APBA2: variants seen among roughly 807,000 people sequenced by gnomAD.
The protein encoded by APBA2 is amyloid-beta A4 precursor protein-binding family A member 2.
Under a neutral mutation model 75.0 loss-of-function variants are expected in APBA2, and 30 were observed. The observed-to-expected ratio is 0.40, with a 90% confidence interval of 0.30 to 0.54. The LOEUF is 0.54. Ranked by LOEUF, APBA2 falls within the 20% of genes least tolerant of loss-of-function variation. The probability of loss-of-function intolerance (pLI) is 0.49; values close to 1 mark genes in which losing one functional copy is unlikely to be tolerated. For missense variants in APBA2, 801 were observed against 1,016.1 expected (o/e 0.79, Z 2.88); for synonymous variants, 444 against 409.6 (o/e 1.08, Z -1.01).
intron 14 of APBA2, among the ~76,000 whole-genome samples, chr15:29,115,317 G>C (rs1017289001): frequency 2.6e-5 from 4 of 152,060 alleles, no homozygotes; most frequent in African/African-American, 9.7e-5. Flanking sequence ...GAGCCACATC[G>C]GGACACTGGT....
intron 12 of APBA2, 86 bp downstream of exon 12, chr15:29,106,905 C>T (rs2044443584): frequency 4.7e-6 from 6 of 1,283,408 alleles, no homozygotes; most frequent in Non-Finnish European, 3.3e-6. Flanking sequence ...CACTTCACTG[C>T]AATCCCCACT....
At chr15:29,073,795 G>A (rs1364847012) in intron 4 of APBA2, among the ~76,000 whole-genome samples, 1 of 152,200 alleles carries the variant, frequency 6.6e-6, no homozygotes, top group East Asian at 1.9e-4. Flanking sequence ...GGATTTAAGG[G>A]CTATGGATCT....
Position 29,046,925 on chromosome 15 carries a change from G to T in APBA2, c.-40-6920G>T, listed in dbSNP as rs1479703632. On this transcript the variant is annotated intron_variant, in intron 3 of 14. Transcript: ENST00000683413. This position sits in a 1 kb window ranked among gnomAD's most constrained non-coding sequence, Gnocchi z 5.0. ...CCATCTAAGACATTCACCTCATCAG[G>T]CATCTCTCCTGGACCATTTCATTGA... 6.6e-6 allele frequency among the ~76,000 whole-genome samples: 1 copy of T among 152,168 alleles called. No homozygotes were observed. Among genetic ancestry groups the T allele is most frequent in the Non-Finnish European group, 1.5e-5 (1 of 68,038 alleles).
intron 8 of APBA2, 96 bp from the exon 9 acceptor site, chr15:29,098,394 G>A (rs1002594675): frequency 1.5e-5 from 12 of 824,798 alleles, no homozygotes; most frequent in Middle Eastern, 4.4e-4. Flanking sequence ...TTTATCTGGT[G>A]ATTAGGGATG....
chr15:28,896,318 C>T (rs557264893), intron 1 of APBA2, among the ~76,000 whole-genome samples: 9 of 152,286 alleles, frequency 5.9e-5, no homozygotes, highest in Non-Finnish European at 1.0e-4. Flanking sequence ...CTCATTCTGT[C>T]GCCCAGACTG....
chr15:28,979,457 G>A (rs1440377544), intron 2 of APBA2, among the ~76,000 whole-genome samples: 1 of 152,198 alleles, frequency 6.6e-6, no homozygotes, highest in Non-Finnish European at 1.5e-5. Context: ...GCCTGTCTGG[G>A]GCAGAGCTTC....
chr15:29,017,994 C>T (rs1250641049), intron 3 of APBA2, among the ~76,000 whole-genome samples: 1 of 151,978 alleles, frequency 6.6e-6, no homozygotes, highest in African/African-American at 2.4e-5. Flanking sequence ...ATCTGTGAGC[C>T]GTGGTTGTTA....
intron 2 of APBA2, among the ~76,000 whole-genome samples, chr15:28,922,994 G>A (rs927831551): frequency 2.0e-5 from 3 of 152,164 alleles, no homozygotes; most frequent in African/African-American, 7.2e-5. Context: ...ACCACACCAC[G>A]CCCTGTGCAG....
At position 29,074,928 on chromosome 15, in the gene APBA2, A is replaced by G; in HGVS notation, c.959A>G (p.Asn320Ser). ...TAACTTCCCCGTTTCCAGGTTTGCA[A>G]TGGTCTGGAGCAGCCAAGGAAGCAG... ...RLKWPHEQVC[N>S]GLEQPRKQQR... is the part of the protein sequence containing the mutation. The change falls in exon 5 of 15, where the codon AAT becomes AGT. Residue 320 changes from asparagine (N) to serine (S), a missense_variant. Around this residue, in one of 2 missense-constraint regions of APBA2, gnomAD observed 434 missense variants for 471.6 expected, o/e 0.92. Coordinates refer to ENST00000683413, the MANE Select transcript of APBA2 (RefSeq NM_001353788.2). 2 of 1,614,140 alleles carry G rather than the reference A, an allele frequency of 1.2e-6. No individual in the cohort carries two copies. The highest frequency in any genetic ancestry group is 1.7e-6 in the Non-Finnish European group (2 of 1,179,990).
At chr15:29,070,496 G>A (rs1000437520) in intron 4 of APBA2, among the ~76,000 whole-genome samples, 12 of 152,200 alleles carry the variant, frequency 7.9e-5, no homozygotes, top group African/African-American at 2.2e-4. Context: ...TCCCCCAGGG[G>A]AGTAACTATT....
intron 6 of APBA2, among the ~76,000 whole-genome samples, chr15:29,082,051 G>A (rs2043106244): frequency 6.6e-6 from 1 of 152,224 alleles, no homozygotes; most frequent in Non-Finnish European, 1.5e-5. Flanking sequence ...CTGCATGACC[G>A]GCTGTTTGAT....
intron 2 of APBA2, among the ~76,000 whole-genome samples, chr15:28,936,210 T>A (rs1363836723): frequency 1.3e-5 from 2 of 152,212 alleles, no homozygotes; most frequent in Non-Finnish European, 2.9e-5. Context: ...CCCATAGCTG[T>A]CTTTCTGCCA....
At chr15:29,088,768 G>T (rs574397736) in intron 6 of APBA2, among the ~76,000 whole-genome samples, 1 of 152,212 alleles carries the variant, frequency 6.6e-6, no homozygotes, top group East Asian at 1.9e-4. Flanking sequence ...AGTCCTTATG[G>T]CCTGTCACCC....
At chr15:29,059,187 A>G (rs538854076) in intron 4 of APBA2, among the ~76,000 whole-genome samples, 42 of 152,108 alleles carry the variant, frequency 2.8e-4, no homozygotes, top group Non-Finnish European at 5.9e-5. Context: ...TTCACAATCT[A>G]TTTAATGTTC....
chr15:29,049,291 C>T (rs901004523), intron 3 of APBA2, among the ~76,000 whole-genome samples: 4 of 152,144 alleles, frequency 2.6e-5, no homozygotes, highest in African/African-American at 4.8e-5. Flanking sequence ...GGGTAACCAT[C>T]GTGGAGAACA....
intron 1 of APBA2, among the ~76,000 whole-genome samples, chr15:28,889,149 G>A (rs889296796): frequency 6.6e-6 from 1 of 152,104 alleles, no homozygotes; most frequent in Admixed American, 6.5e-5. Flanking sequence ...GGTCCAGCTC[G>A]TGTCTCAGAG....
intron 1 of APBA2, among the ~76,000 whole-genome samples, chr15:28,900,046 T>C (rs979504987): frequency 2.6e-5 from 4 of 151,978 alleles, no homozygotes; most frequent in African/African-American, 9.7e-5. Flanking sequence ...ACCTCAATGT[T>C]GTGTCAGTTC....
At chr15:28,998,946 A>C (rs2038694187) in intron 3 of APBA2, among the ~76,000 whole-genome samples, 1 of 152,214 alleles carries the variant, frequency 6.6e-6, no homozygotes, top group African/African-American at 2.4e-5. Context: ...CGGGAGTTCG[A>C]GACGAGCCTG....
At chr15:28,904,715 G>T (rs1056055767) in intron 1 of APBA2, among the ~76,000 whole-genome samples, 1 of 152,134 alleles carries the variant, frequency 6.6e-6, no homozygotes, top group Non-Finnish European at 1.5e-5. Flanking sequence ...AGCAAACAGC[G>T]TTGCAGCACC....
Sources: gnomAD v4.1 joint callset for allele counts (sites outside exome capture counted in the v4.1 genomes callset) on GRCh38, gnomAD v4.1.1 for gene constraint, gnomAD v4.1.1 regional missense constraint, Gnocchi (gnomAD v3.1) non-coding constraint, MANE v1.5 for transcripts, NCBI Gene and HGNC (gene_info 2026-07-23, HGNC 2026-07-21) for gene names.